The following ZFHX4 variants were observed in gnomAD, a reference collection of about 807,000 sequenced individuals.
The protein encoded by ZFHX4 is zinc finger homeobox protein 4.
ZFHX4 carries 56 observed loss-of-function variants against 267.6 expected under a neutral mutation model. The observed-to-expected ratio is 0.21, with a 90% CI of 0.17 to 0.26. ZFHX4 has a LOEUF of 0.26. ZFHX4 is among the 10% of genes least tolerant of loss of function. The pLI is 1.00. For synonymous variants in ZFHX4, 1,778 were observed against 1,665.6 expected (o/e 1.07, Z -1.64); for missense variants, 4,332 against 4,420.0 (o/e 0.98, Z 0.56).
In ZFHX4 at chr8:76,700,504, A is replaced by G. The variant is rs1052664074; in HGVS notation, c.-46-3539A>G. Among the ~76,000 whole-genome samples, 5 of 152,154 alleles carry G rather than the reference A, an allele frequency of 3.3e-5. No homozygotes were observed. In the East Asian group the frequency reaches 5.8e-4, roughly 18 times the overall value. On this transcript the variant is annotated intron_variant, in intron 1 of 10. Transcript: ENST00000651372. ...TTTCTGAATGCAAAGGAATTCTTCT[A>G]TTGTTCAGAAAGCACCCCCTTTCAT... is the stretch of plus-strand genomic sequence containing the variant.
At chr8:76,766,797 A>G (rs1810061925) in intron 3 of ZFHX4, among the ~76,000 whole-genome samples, 1 of 152,140 alleles carries the variant, frequency 6.6e-6, no homozygotes. Context: ...TTTTGAATGT[A>G]CAAATGGTAT....
chr8:76,767,582 T>G (rs545689739), intron 3 of ZFHX4, among the ~76,000 whole-genome samples: 2 of 152,292 alleles, frequency 1.3e-5, no homozygotes, highest in African/African-American at 4.8e-5. Context: ...CACGTAGCAG[T>G]TTATATTATA....
chr8:76,681,990 G>T (rs1350101467), intron 1 of ZFHX4, among the ~76,000 whole-genome samples: 5 of 152,232 alleles, frequency 3.3e-5, no homozygotes, highest in Non-Finnish European at 7.4e-5. Context: ...ACGTTTGCTT[G>T]GGCAGTTTTC....
intron 4 of ZFHX4, among the ~76,000 whole-genome samples, chr8:76,781,573 G>C (rs967782362): frequency 1.3e-5 from 2 of 152,010 alleles, no homozygotes; most frequent in Admixed American, 1.3e-4. Context: ...TGGCATTGTG[G>C]ATGCATAATT....
chr8:76,817,261 G>C (rs1391946666), intron 4 of ZFHX4, among the ~76,000 whole-genome samples: 1 of 152,076 alleles, frequency 6.6e-6, no homozygotes, highest in Non-Finnish European at 1.5e-5. Context: ...AATTGAGAAA[G>C]TACTATTGGT....
intron 5 of ZFHX4, among the ~76,000 whole-genome samples, chr8:76,839,029 G>A (rs1439975221): frequency 2.0e-5 from 3 of 149,394 alleles, no homozygotes; most frequent in Non-Finnish European, 4.4e-5. Flanking sequence ...TCCAGGCTGA[G>A]CAACAGAGTG....
intron 1 of ZFHX4, among the ~76,000 whole-genome samples, chr8:76,687,202 G>A (rs925230221): frequency 1.3e-5 from 2 of 152,136 alleles, no homozygotes; most frequent in Non-Finnish European, 2.9e-5. Flanking sequence ...AACTCATACC[G>A]TGGTGAAATT....
At chr8:76,721,795 C>T (rs149157562) in intron 3 of ZFHX4, among the ~76,000 whole-genome samples, 89 of 152,222 alleles carry the variant, frequency 5.8e-4, no homozygotes, top group Non-Finnish European at 1.2e-3. Flanking sequence ...TGTACAGTAA[C>T]AGTATAATTG....
At position 76,707,717 on chromosome 8, in the gene ZFHX4, G is replaced by A; in HGVS notation, c.2762G>A (p.Ser921Asn). The change falls in exon 3 of 11, where the codon AGT (serine) becomes AAT (asparagine). Residue 921 changes from serine (S) to asparagine (N), a missense_variant. This residue lies in a region of ZFHX4 where 1,195 missense variants were observed against 1,173.6 expected (regional missense o/e 1.02). Coordinates refer to ENST00000651372, the MANE Select transcript of ZFHX4 (RefSeq NM_024721.5). ...KFTSDSLEAL[S>N]VHVSSERSLP... Reference sequence around the variant, plus strand: ...ACCTCTGACAGCCTGGAGGCCCTAAGTGTGCATGTGAGCAGTGAGCGCTCT... The same window carrying A: ...ACCTCTGACAGCCTGGAGGCCCTAAATGTGCATGTGAGCAGTGAGCGCTCT... The A allele has an allele frequency of 1.2e-6, 2 of 1,613,890 alleles. No homozygotes were observed. Among genetic ancestry groups the A allele is most frequent in the Non-Finnish European group, 1.7e-6 (2 of 1,179,884 alleles).
At chr8:76,721,005 A>AG (rs1454853814) in intron 3 of ZFHX4, among the ~76,000 whole-genome samples, 1 of 152,094 alleles carries the variant, frequency 6.6e-6, no homozygotes, top group African/African-American at 2.4e-5. Flanking sequence ...CTGCCTGGAG[A>AG]GGGGATACCT....
At chr8:76,681,864 A>G (rs1001619200) in intron 1 of ZFHX4, among the ~76,000 whole-genome samples, 1 of 151,376 alleles carries the variant, frequency 6.6e-6, no homozygotes, top group Non-Finnish European at 1.5e-5. Flanking sequence ...TTTTGGCTCA[A>G]GGTTTTGCTC....
chr8:76,729,919 AAAGGGACGTGAAGCTAGGCCATGTG>A (rs1216247601), intron 3 of ZFHX4, among the ~76,000 whole-genome samples: 1 of 152,178 alleles, frequency 6.6e-6, no homozygotes, highest in Non-Finnish European at 1.5e-5. Context: ...ATGAAATAAT[AAAGGGACGTGAAGCTAGGCCATGTG>A]AATCTTTGTA....
In ZFHX4 at chr8:76,864,312, C is replaced by T. The variant is rs750704900; in HGVS notation, c.10598C>T (p.Ala3533Val). The T allele has an allele frequency of 4.3e-6, 7 of 1,613,696 alleles. No homozygotes were observed. Among genetic ancestry groups the T allele is most frequent in the East Asian group, 2.2e-5 (1 of 44,858 alleles). ...TCCTGGCCTAATATCCTTTTCCAAG[C>T]GTCTGCCAGGAGAGCTGCTTCTCCC... ...MKSWPNILFQ[A>V]SARRAASPPS... The change falls in exon 11 of 11, where the codon GCG becomes GTG. Residue 3533 changes from alanine to valine, a missense_variant. Transcript: ENST00000651372.
intron 4 of ZFHX4, among the ~76,000 whole-genome samples, chr8:76,806,217 A>G (rs1811242043): frequency 6.6e-6 from 1 of 152,126 alleles, no homozygotes; most frequent in Admixed American, 6.6e-5. Context: ...ACGTAGCATG[A>G]TCATCCAAAA....
At position 76,853,085 on chromosome 8, in the gene ZFHX4, C is replaced by T. The variant is rs866636748; in HGVS notation, c.6164C>T (p.Pro2055Leu). The change falls in exon 10 of 11, where the codon CCC becomes CTC. Residue 2055 changes from proline (P) to leucine (L), a missense_variant. By Grantham distance (98) the Pro-to-Leu change is moderately conservative. Transcript: ENST00000651372. ...PPPPPPPPPP[P>L]PPPPPPSAPP... ...CCACCTCCTCCTCCTCCTCCTCCTC[C>T]CCCCCCACCTCCTCCACCTTCTGCT... 5.8e-6 allele frequency: 8 copies of T among 1,389,196 alleles called. No individual in the cohort carries two copies. The highest frequency in any genetic ancestry group is 2.6e-5 in the East Asian group (1 of 38,980). 86.1% of individuals were successfully genotyped at this position (1,389,196 alleles called of 1,614,324 possible).
Position 76,852,104 on chromosome 8 carries a change from C to T in ZFHX4, c.5183C>T (p.Ala1728Val), listed in dbSNP as rs774094065. The part of the protein sequence containing the change: ...FLPHFPMTPE[A>V]LLQFQQPQFL... ...CCTCATTTTCCTATGACCCCAGAAG[C>T]ACTGCTGCAGTTTCAGCAGCCTCAG... The change falls in exon 10 of 11, where the codon GCA becomes GTA. Residue 1728 changes from alanine (A) to valine (V), a missense_variant. Physicochemically the swap from Ala to Val is moderately conservative, Grantham distance 64. Coordinates refer to ENST00000651372, the MANE Select transcript of ZFHX4 (RefSeq NM_024721.5). 3 of 1,613,852 alleles carry T rather than the reference C, an allele frequency of 1.9e-6. No homozygotes were observed. Among genetic ancestry groups the T allele is most frequent in the South Asian group, 1.1e-5 (1 of 91,088 alleles).
chr8:76,723,182 C>T (rs1266801272), intron 3 of ZFHX4, among the ~76,000 whole-genome samples: 2 of 152,022 alleles, frequency 1.3e-5, no homozygotes, highest in Admixed American at 1.3e-4. Flanking sequence ...AAGTGATGCT[C>T]ACAGCTGAAA....
chr8:76,780,299 A>G (rs1432941139), intron 4 of ZFHX4, among the ~76,000 whole-genome samples: 1 of 152,208 alleles, frequency 6.6e-6, no homozygotes, highest in Non-Finnish European at 1.5e-5. Flanking sequence ...GCATCTGTAT[A>G]ACCTGTCAAA....
At chr8:76,820,656 G>C (rs1273854171) in intron 4 of ZFHX4, among the ~76,000 whole-genome samples, 1 of 151,998 alleles carries the variant, frequency 6.6e-6, no homozygotes, top group Non-Finnish European at 1.5e-5. Flanking sequence ...ATCAAACTTG[G>C]GACTATTACA....
Sources: allele counts gnomAD v4.1 joint callset (sites outside exome capture counted in the v4.1 genomes callset), GRCh38; gene constraint gnomAD v4.1.1; regional missense constraint gnomAD v4.1.1; transcripts MANE v1.5; gene names NCBI Gene and HGNC (gene_info 2026-07-23, HGNC 2026-07-21).